The following IDS variants were observed in gnomAD, a reference collection of about 807,000 sequenced individuals.
IDS encodes alpha-L-iduronate sulfate sulfatase.
A neutral mutation model predicts 33.5 loss-of-function variants in IDS; 1 was observed. The observed-to-expected ratio is 0.03, with a 90% CI of 0.01 to 0.14. IDS has a LOEUF of 0.14. Among genes scored for constraint, IDS ranks in the 10% least tolerant of loss-of-function variants. The pLI is 1.00. For synonymous variants in IDS, 191 were observed against 184.4 expected, an observed-to-expected ratio of 1.04 and a Z score of -0.29; for missense variants, 328 against 448.0, an observed-to-expected ratio of 0.73 and a Z score of 2.42.
At chrX:149,503,254 A>G (rs782536926) in intron 3 of IDS, 58 bp downstream of exon 3, 5 of 1,184,531 alleles carry the variant, frequency 4.2e-6, no homozygotes, top group Non-Finnish European at 5.7e-6. Flanking sequence ...CAGGATGGGA[A>G]TGCTGGATTC....
intron 3 of IDS, 54 bp from the exon 4 acceptor site, chrX:149,501,091 C>T: frequency 1.3e-6 from 1 of 743,912 alleles, no homozygotes; most frequent in Non-Finnish European, 2.1e-6. Context: ...ACACCCCACT[C>T]CCCATAATTA....
chrX:149,502,332 CCT>C, intron 3 of IDS: 1 of 239,367 alleles, frequency 4.2e-6, no homozygotes, highest in Admixed American at 5.0e-5. Flanking sequence ...TGTGTTTCCT[CCT>C]CTCTCCAAAA....
chrX:149,501,043 A>G lies in IDS; in HGVS notation c.419-6T>C, dbSNP rs1243973593. On this transcript the variant is annotated splice_region_variant and splice_polypyrimidine_tract_variant and intron_variant, in intron 3 of 8. Coordinates refer to ENST00000340855, the MANE Select transcript of IDS (RefSeq NM_000202.8). ...GGTATGGTTAGAAGATATCCCTTGG[A>G]AAAAAAAAAAGGTTGTTAAAACATG... is the stretch of plus-strand genomic sequence containing the variant. 7 of 669,997 alleles carry G rather than the reference A, an allele frequency of 1.0e-5. No individual in the cohort carries two copies. Among genetic ancestry groups the G allele is most frequent in the Admixed American group, 3.4e-5 (1 of 29,409 alleles). 55.2% of individuals were successfully genotyped at this position (669,997 alleles called of 1,213,427 possible).
chrX:149,488,327 G>A (rs1386279066), intron 7 of IDS, among the ~76,000 whole-genome samples: 6 of 100,823 alleles, frequency 6.0e-5, no homozygotes, highest in African/African-American at 2.2e-4. Context: ...CTGATGAATG[G>A]GTAGGTTATC....
chrX:149,493,296 A>C (rs1557338933), intron 6 of IDS, among the ~76,000 whole-genome samples: 3 of 112,540 alleles, frequency 2.7e-5, no homozygotes, highest in African/African-American at 9.7e-5. Flanking sequence ...GCTGGCCAAC[A>C]GTGAGGAAGT....
chrX:149,486,200 G>A (rs1286718507), intron 8 of IDS, among the ~76,000 whole-genome samples: 1 of 111,595 alleles, frequency 9.0e-6, no homozygotes, highest in Non-Finnish European at 1.9e-5. Context: ...TGGTCCAACT[G>A]GTATTCTGGA....
intron 8 of IDS, 64 bp downstream of exon 8, chrX:149,486,861 T>G: frequency 1.8e-6 from 2 of 1,099,154 alleles, no homozygotes; most frequent in Non-Finnish European, 2.5e-6. Flanking sequence ...TTCAATAAAG[T>G]GGTTCACATA....
chrX:149,489,012 C>T (rs1457638400), intron 7 of IDS, among the ~76,000 whole-genome samples: 2 of 111,193 alleles, frequency 1.8e-5, no homozygotes, highest in Non-Finnish European at 3.8e-5. Flanking sequence ...TTGCAGAAAC[C>T]AGCATGTTTT....
intron 6 of IDS, among the ~76,000 whole-genome samples, chrX:149,493,372 T>G (rs2089409546): frequency 8.9e-6 from 1 of 112,102 alleles, no homozygotes; most frequent in African/African-American, 3.2e-5. Flanking sequence ...AGGTCAGTGC[T>G]GAGGTGAGAG....
In IDS at chrX:149,477,437, C is replaced by A. The variant is rs2089272815; in HGVS notation, c.*5309G>T. The stretch of plus-strand genomic sequence containing the variant: ...CAAGTACCTGAGGGTTGGCTCCCAG[C>A]CACCTCATCTGGAACCAACTTGTCG... On this transcript the variant is annotated 3_prime_UTR_variant, in exon 9 of 9. Coordinates refer to ENST00000340855, the MANE Select transcript of IDS (RefSeq NM_000202.8). The A allele has an allele frequency of 8.9e-6, 1 of 112,639 alleles. No individual in the cohort carries two copies. The highest frequency in any genetic ancestry group is 1.9e-5 in the Non-Finnish European group (1 of 53,329). The allele number at this position is 112,639 out of a possible 1,213,427, so 9.3% of individuals were successfully genotyped here.
intron 8 of IDS, among the ~76,000 whole-genome samples, chrX:149,486,694 T>C (rs1311960336): frequency 9.0e-6 from 1 of 111,362 alleles, no homozygotes; most frequent in Non-Finnish European, 1.9e-5. Context: ...AGGCTCCTTG[T>C]GGACAGGGGC....
chrX:149,482,523 A>T lies in IDS; in HGVS notation c.*223T>A, dbSNP rs2089300972. ...AACTGTTTTAAAAAGAGGGAAATTA[A>T]AAAAAAAACTGGTCCAATTACCAAT... On this transcript the variant is annotated 3_prime_UTR_variant, in exon 9 of 9. Transcript: ENST00000340855. 2.0e-5 allele frequency: 8 copies of T among 398,661 alleles called. No homozygotes were observed. Among genetic ancestry groups the T allele is most frequent in the Admixed American group, 1.6e-4 (3 of 18,803 alleles). 32.9% of individuals were successfully genotyped at this position (398,661 alleles called of 1,213,427 possible).
chrX:149,485,019 G>A (rs187680261), intron 8 of IDS, among the ~76,000 whole-genome samples: 12 of 111,810 alleles, frequency 1.1e-4, no homozygotes, highest in East Asian at 2.8e-4. Context: ...TGTAGCACAC[G>A]TGTCAAAAAT....
At position 149,482,224 on chromosome X, in the gene IDS, T is replaced by C. The variant is rs2089299473; in HGVS notation, c.*522A>G. 8.9e-6 allele frequency: 1 copy of C among 112,297 alleles called. No homozygotes were observed. The highest frequency in any genetic ancestry group is 3.6e-4 in the South Asian group (1 of 2,749). 9.3% of individuals were successfully genotyped at this position (112,297 alleles called of 1,213,427 possible). A position where few individuals can be genotyped will look rare whatever the true frequency, so the allele number is the denominator to read the frequency against. On this transcript the variant is annotated 3_prime_UTR_variant, in exon 9 of 9. Transcript: ENST00000340855. ...TCTGCTATTTTTTTTTAACTTTAGA[T>C]TTGAAAAAGAAACATGGATTACATG...
rs782739449 is a variant in IDS, at chrX:149,483,137, C to T, written c.1262G>A (p.Arg421His). 1.1e-5 allele frequency: 13 copies of T among 1,210,563 alleles called. No homozygotes were observed. Among genetic ancestry groups the T allele is most frequent in the South Asian group, 5.3e-5 (3 of 56,871 alleles). The change falls in exon 9 of 9, where the codon CGC becomes CAC. Residue 421 changes from arginine to histidine, a missense_variant. Arg to His is a conservative substitution (Grantham distance 29). Transcript: ENST00000340855. ...AACGTGAAATGAAGGAACGGGGCAGCGAGGTGGAACCTGCAGTCCTGCAAG... is the reference window on the plus strand; with the variant it reads ...AACGTGAAATGAAGGAACGGGGCAGTGAGGTGGAACCTGCAGTCCTGCAAG... ...AGLAGLQVPP[R>H]CPVPSFHVEL...
At chrX:149,491,062 TGG>T (rs1440695469) in intron 6 of IDS, among the ~76,000 whole-genome samples, 4 of 112,145 alleles carry the variant, frequency 3.6e-5, no homozygotes, top group Non-Finnish European at 7.5e-5. Context: ...TCAGCAGTAC[TGG>T]GGGGTTAGGA....
rs1557338133 is a variant in IDS at position 149,487,022 on chromosome X, G to C, written c.1083C>G (p.Phe361Leu). The change falls in exon 8 of 9, where the codon TTC becomes TTG. Residue 361 changes from phenylalanine to leucine, a missense_variant. This residue lies in a region of IDS where 265 missense variants were observed against 339.2 expected (regional missense o/e 0.78). Transcript: ENST00000340855. ...FDVATHVPLIFYVPGRTASLP... is the reference protein window; with the variant it reads ...FDVATHVPLILYVPGRTASLP... ...GTGAAGCCGTCCTTCCAGGAACATA[G>C]AATATCAGGGGAACATGGGTAGCAA... is the stretch of plus-strand genomic sequence containing the variant. The C allele has an allele frequency of 7.4e-6, 9 of 1,211,579 alleles. No individual in the cohort carries two copies. In the South Asian group the frequency reaches 1.6e-4, roughly 21 times the overall value.
intron 1 of IDS, 134 bp from the exon 2 acceptor site, chrX:149,504,427 G>T: frequency 1.5e-6 from 1 of 684,785 alleles, no homozygotes; most frequent in Non-Finnish European, 2.2e-6. Flanking sequence ...AGGGCGCTGT[G>T]CCTCAGCAAG....
chrX:149,498,796 A>G (rs782777417), intron 4 of IDS, among the ~76,000 whole-genome samples: 2 of 112,633 alleles, frequency 1.8e-5, no homozygotes, highest in Non-Finnish European at 3.8e-5. Context: ...AGTGTTGACG[A>G]GGATGCAGAA....
Sources: allele counts gnomAD v4.1 joint callset (sites outside exome capture counted in the v4.1 genomes callset), GRCh38; gene constraint gnomAD v4.1.1; regional missense constraint gnomAD v4.1.1; transcripts MANE v1.5; gene names NCBI Gene and HGNC (gene_info 2026-07-23, HGNC 2026-07-21).